The following GREB1 variants were observed in gnomAD, a reference collection of about 807,000 sequenced individuals.
GREB1 encodes the protein growth regulating estrogen receptor binding 1.
A neutral mutation model predicts 200.7 loss-of-function variants in GREB1; 106 were observed. That is an observed-to-expected ratio of 0.53 (90% CI 0.45 to 0.62). The LOEUF (loss-of-function observed/expected upper bound fraction) is 0.62. Ranked by LOEUF, GREB1 falls within the 20% of genes least tolerant of loss-of-function variation. GREB1 has a pLI of 0.00. For synonymous variants in GREB1, 1,132 were observed against 1,092.4 expected (o/e 1.04, Z -0.72); for missense variants, 2,243 against 2,556.8 (o/e 0.88, Z 2.65).
Position 11,520,354 on chromosome 2 carries a change from C to T in GREB1, c.-158-36103C>T, listed in dbSNP as rs148096421. ...CTTCCAGTTCTGGAGGCCAGAAGATCGGTTTTGGTCTCACTGGGCTAGATT... is the reference window on the plus strand; with the variant it reads ...CTTCCAGTTCTGGAGGCCAGAAGATTGGTTTTGGTCTCACTGGGCTAGATT... On this transcript the variant is annotated intron_variant, in intron 1 of 2. Coordinates refer to the GREB1 transcript ENST00000628795. 3.9e-4 allele frequency among the ~76,000 whole-genome samples: 59 copies of T among 152,288 alleles called. No homozygotes were observed. In the East Asian group the frequency reaches 8.5e-3, roughly 22 times the overall value.
At chr2:11,612,193 C>CAA (rs59217779) in intron 18 of GREB1, 16,824 of 238,660 alleles carry the variant, frequency 0.07, 218 homozygotes, top group South Asian at 0.1. Flanking sequence ...GACTCTGTCT[C>CAA]AAAAAAAAAA....
intron 14 of GREB1, among the ~76,000 whole-genome samples, 187 bp downstream of exon 14, chr2:11,598,165 T>C (rs1467462377): frequency 6.6e-6 from 1 of 152,224 alleles, no homozygotes; most frequent in African/African-American, 2.4e-5. Flanking sequence ...CTGTTGAAGG[T>C]AGAGCCAAAA....
chr2:11,533,074 A>G (rs1423987740), upstream of GREB1, among the ~76,000 whole-genome samples: 3 of 152,246 alleles, frequency 2.0e-5, no homozygotes, highest in Non-Finnish European at 2.9e-5. Flanking sequence ...ACTCCAAACT[A>G]ATGGGAGAGA....
chr2:11,563,594 C>A lies in GREB1; in HGVS notation c.277+1012C>A, dbSNP rs78511433. ...GGGCATCAGACACAACTGGAACGTG[C>A]AGGCCATGCTGCTTAGCAGATAGTT... On this transcript the variant is annotated intron_variant, in intron 3 of 32. Coordinates refer to ENST00000381486, the MANE Select transcript of GREB1 (RefSeq NM_014668.4). 5.9e-5 allele frequency among the ~76,000 whole-genome samples: 9 copies of A among 152,354 alleles called. No individual in the cohort carries two copies. The East Asian group carries it at 1.5e-3, about 26-fold the overall frequency.
At chr2:11,625,401 C>T in intron 24 of GREB1, 89 bp downstream of exon 24, 1 of 1,320,804 alleles carries the variant, frequency 7.6e-7, no homozygotes, top group Non-Finnish European at 1.1e-6. Context: ...GGCATGAAAT[C>T]AGGTGGTGAT....
Position 11,640,353 on chromosome 2 carries a change from G to C in GREB1, c.5749G>C (p.Glu1917Gln). ...SSLRQTVVRL[E>Q]LEDEWQFRLR... is the part of the protein sequence containing the mutation. Reference sequence around the variant, plus strand: ...ACTGCGCCAGACGGTCGTCCGCCTGGAGCTCGAGGACGAGTGGCAGTTCCG... The same window carrying C: ...ACTGCGCCAGACGGTCGTCCGCCTGCAGCTCGAGGACGAGTGGCAGTTCCG... The change falls in exon 33 of 33, where the codon GAG (glutamate) becomes CAG (glutamine). Residue 1917 changes from glutamate (E) to glutamine (Q), a missense_variant. Around this residue, in one of 3 missense-constraint regions of GREB1, gnomAD observed 478 missense variants for 616.3 expected, o/e 0.78. Coordinates refer to ENST00000381486, the MANE Select transcript of GREB1 (RefSeq NM_014668.4). This position sits in a 1 kb window ranked among gnomAD's most constrained non-coding sequence, Gnocchi z 4.6. 1 of 1,614,196 alleles carries C rather than the reference G, an allele frequency of 6.2e-7. No homozygotes were observed. The highest frequency in any genetic ancestry group is 8.5e-7 in the Non-Finnish European group (1 of 1,180,042).
rs1470535404 is a variant in GREB1 at position 11,513,890 on chromosome 2, T to C, written c.-159+31509T>C. ...ACTTGTGGTTCTTCAGCCAGTAATT[T>C]CTGAGTAATAATCTGTGGCAGGTAC... On this transcript the variant is annotated intron_variant, in intron 1 of 2. Transcript: ENST00000628795. Among the ~76,000 whole-genome samples, 5 of 152,168 alleles carry C rather than the reference T, an allele frequency of 3.3e-5. No homozygotes were observed. In the East Asian group the frequency reaches 9.6e-4, roughly 29 times the overall value.
intron 29 of GREB1, among the ~76,000 whole-genome samples, chr2:11,634,849 C>T (rs564654780): frequency 1.3e-5 from 2 of 152,284 alleles, no homozygotes; most frequent in South Asian, 2.1e-4. Context: ...AGCTTTGCAG[C>T]GCAGGCAGGC....
upstream of GREB1, among the ~76,000 whole-genome samples, chr2:11,533,241 C>T (rs1217606285): frequency 6.6e-6 from 1 of 152,170 alleles, no homozygotes; most frequent in South Asian, 2.1e-4. Flanking sequence ...AGGCGAATAA[C>T]ACAAGACAGA....
chr2:11,534,742 C>A (rs1165465118), intron 1 of GREB1, among the ~76,000 whole-genome samples: 2 of 152,204 alleles, frequency 1.3e-5, no homozygotes, highest in African/African-American at 4.8e-5. Context: ...TTCTTCTTCA[C>A]ATATACCTGG....
intron 17 of GREB1, among the ~76,000 whole-genome samples, chr2:11,608,813 A>G (rs1369500017): frequency 6.6e-6 from 1 of 152,192 alleles, no homozygotes; most frequent in Non-Finnish European, 1.5e-5. Context: ...ATTTCCTTAC[A>G]TATGTGCACT....
intron 1 of GREB1, among the ~76,000 whole-genome samples, chr2:11,527,567 G>A (rs1673929745): frequency 6.6e-6 from 1 of 152,206 alleles, no homozygotes; most frequent in Non-Finnish European, 1.5e-5. Context: ...GGCATCTGGT[G>A]GATTGGCTGG....
rs890933885 is a variant in GREB1, at chr2:11,629,555, G to A, written c.4450-393G>A. Among the ~76,000 whole-genome samples the A allele has an allele frequency of 6.6e-6, 1 of 152,232 alleles. No individual in the cohort carries two copies. Among genetic ancestry groups the A allele is most frequent in the African/African-American group, 2.4e-5 (1 of 41,468 alleles). The stretch of plus-strand genomic sequence containing the variant: ...ATGCAGCTAGTGTTAATATGTGATT[G>A]CATGTAACTGTGATGGAGAAATACA... On this transcript the variant is annotated intron_variant, in intron 25 of 32. Coordinates refer to ENST00000381486, the MANE Select transcript of GREB1 (RefSeq NM_014668.4). The surrounding 1 kb of genome is among the most constrained non-coding windows in gnomAD (Gnocchi z 5.2).
Position 11,640,287 on chromosome 2 carries a change from G to A in GREB1, c.5687-4G>A, listed in dbSNP as rs768202012. On this transcript the variant is annotated splice_region_variant and splice_polypyrimidine_tract_variant and intron_variant, in intron 32 of 32. Coordinates refer to ENST00000381486, the MANE Select transcript of GREB1 (RefSeq NM_014668.4). This position sits in a 1 kb window ranked among gnomAD's most constrained non-coding sequence, Gnocchi z 4.6. ...TTCCCACACCTCTGCCGTTGTCCAC[G>A]CAGGTGCGACGTTGTGTGTCATCTG... The A allele has an allele frequency of 5.6e-6, 9 of 1,607,538 alleles. No individual in the cohort carries two copies. Among genetic ancestry groups the A allele is most frequent in the South Asian group, 5.5e-5 (5 of 90,588 alleles).
intron 13 of GREB1, among the ~76,000 whole-genome samples, chr2:11,596,942 A>C (rs1426624895): frequency 6.6e-6 from 1 of 150,968 alleles, no homozygotes; most frequent in Non-Finnish European, 1.5e-5. Context: ...GCGGGGGCGC[A>C]GGTGTGCACC....
chr2:11,502,659 G>A (rs893869015), intron 1 of GREB1, among the ~76,000 whole-genome samples: 1 of 152,116 alleles, frequency 6.6e-6, no homozygotes, highest in Non-Finnish European at 1.5e-5. Flanking sequence ...AACTTGCAAG[G>A]AGGAAGATAA....
chr2:11,527,115 G>A (rs1673903606), intron 1 of GREB1, among the ~76,000 whole-genome samples: 2 of 152,072 alleles, frequency 1.3e-5, no homozygotes, highest in South Asian at 2.1e-4. Context: ...GTAAACACTT[G>A]GACAGCAGAG....
intron 1 of GREB1, among the ~76,000 whole-genome samples, chr2:11,527,449 C>T (rs1352644003): frequency 2.6e-5 from 4 of 152,112 alleles, no homozygotes; most frequent in African/African-American, 9.7e-5. Flanking sequence ...AGAAAATAAC[C>T]AAGGTAATAA....
chr2:11,553,038 T>G (rs1195037755), intron 1 of GREB1, among the ~76,000 whole-genome samples: 1 of 151,170 alleles, frequency 6.6e-6, no homozygotes, highest in East Asian at 1.9e-4. Context: ...AGCCGCAGAT[T>G]TGAATACTGT....
Sources: allele counts gnomAD v4.1 joint callset (sites outside exome capture counted in the v4.1 genomes callset), GRCh38; gene constraint gnomAD v4.1.1; regional missense constraint gnomAD v4.1.1; non-coding constraint Gnocchi (gnomAD v3.1); transcripts MANE v1.5; gene names NCBI Gene and HGNC (gene_info 2026-07-23, HGNC 2026-07-21).